The following TNS3 variants were observed in gnomAD, a reference collection of about 807,000 sequenced individuals.
TNS3 encodes the protein tensin-3.
In TNS3, 45 loss-of-function variants were observed where a neutral mutation model predicts 140.9. The observed-to-expected ratio is 0.32, with a 90% CI of 0.25 to 0.41. The LOEUF (loss-of-function observed/expected upper bound fraction) is 0.41. Among genes scored for constraint, TNS3 ranks in the 10% least tolerant of loss-of-function variants. The probability of loss-of-function intolerance (pLI) is 1.00; values close to 1 mark genes in which losing one functional copy is unlikely to be tolerated. For synonymous variants in TNS3, 815 were observed against 788.4 expected (o/e 1.03, Z -0.56); for missense variants, 1,716 against 1,906.7 (o/e 0.90, Z 1.86).
chr7:47,380,997 G>A (rs907751506), intron 16 of TNS3, among the ~76,000 whole-genome samples: 6 of 152,112 alleles, frequency 3.9e-5, no homozygotes, highest in South Asian at 2.1e-4. Context: ...CTTTGATTCC[G>A]CCAAAAAGGC....
intron 4 of TNS3, among the ~76,000 whole-genome samples, chr7:47,449,778 G>A (rs1297244344): frequency 2.0e-5 from 3 of 152,112 alleles, no homozygotes; most frequent in African/African-American, 2.4e-5. Context: ...GCTAATTTTT[G>A]TATTTTTAGT....
intron 16 of TNS3, among the ~76,000 whole-genome samples, chr7:47,387,524 T>TA (rs1792145820): frequency 6.6e-6 from 1 of 152,250 alleles, no homozygotes; most frequent in African/African-American, 2.4e-5. Context: ...CACCTCCATG[T>TA]AAGGGTCCCT....
At chr7:47,291,098 G>A (rs1479161147) in intron 27 of TNS3, among the ~76,000 whole-genome samples, 2 of 152,266 alleles carry the variant, frequency 1.3e-5, no homozygotes, top group South Asian at 2.1e-4. Flanking sequence ...GAACTGTATG[G>A]TTTCAACTAT....
intron 1 of TNS3, chr7:47,579,926 CT>C: frequency 2.7e-6 from 2 of 746,996 alleles, no homozygotes; most frequent in Non-Finnish European, 3.3e-6. Flanking sequence ...TTGACACCCC[CT>C]CTCCTGCCCT....
At chr7:47,352,227 C>T (rs1251139890) in intron 17 of TNS3, among the ~76,000 whole-genome samples, 10 of 152,170 alleles carry the variant, frequency 6.6e-5, no homozygotes, top group African/African-American at 2.4e-4. Flanking sequence ...TTCTCATATA[C>T]TTACACTATA....
chr7:47,387,243 G>T (rs1193189074), intron 16 of TNS3, among the ~76,000 whole-genome samples: 1 of 152,190 alleles, frequency 6.6e-6, no homozygotes, highest in Non-Finnish European at 1.5e-5. Flanking sequence ...AAAGATCAAG[G>T]TGGGGCTGGG....
At chr7:47,561,147 C>A (rs1800312347) in intron 1 of TNS3, among the ~76,000 whole-genome samples, 1 of 152,180 alleles carries the variant, frequency 6.6e-6, no homozygotes, top group Non-Finnish European at 1.5e-5. Context: ...CTCTGTAGTC[C>A]CACACACCTA....
intron 17 of TNS3, among the ~76,000 whole-genome samples, chr7:47,358,154 T>G (rs899600885): frequency 3.3e-5 from 5 of 152,174 alleles, no homozygotes; most frequent in Non-Finnish European, 7.3e-5. Context: ...ATCTTTTTTT[T>G]TTTGACGGAG....
chr7:47,506,861 C>G (rs1004674434), intron 3 of TNS3, 46 bp downstream of exon 3: 22 of 1,273,924 alleles, frequency 1.7e-5, no homozygotes, highest in Non-Finnish European at 2.0e-5. Context: ...CAATGAAGGC[C>G]AAGTCAGCTA....
chr7:47,290,049 T>G (rs1442055510), intron 27 of TNS3, among the ~76,000 whole-genome samples: 1 of 152,062 alleles, frequency 6.6e-6, no homozygotes, highest in African/African-American at 2.4e-5. Flanking sequence ...AACAAATAGG[T>G]CAATTAAAGA....
intron 20 of TNS3, among the ~76,000 whole-genome samples, chr7:47,329,571 C>T (rs558429352): frequency 1.3e-5 from 2 of 152,326 alleles, no homozygotes; most frequent in East Asian, 3.9e-4. Context: ...CTGGGACCTT[C>T]CTCCCAAAGG....
chr7:47,367,857 A>C (rs1790798439), intron 17 of TNS3, among the ~76,000 whole-genome samples: 1 of 152,216 alleles, frequency 6.6e-6, no homozygotes, highest in African/African-American at 2.4e-5. Flanking sequence ...AGAACATTTT[A>C]TACCACGACT....
chr7:47,280,569 C>G (rs910342775), intron 28 of TNS3, among the ~76,000 whole-genome samples: 1 of 152,190 alleles, frequency 6.6e-6, no homozygotes, highest in Non-Finnish European at 1.5e-5. Context: ...TAGACGGAAG[C>G]ACCACACAGG....
At chr7:47,556,775 G>T (rs1389796851) in intron 1 of TNS3, among the ~76,000 whole-genome samples, 1 of 152,190 alleles carries the variant, frequency 6.6e-6, no homozygotes, top group African/African-American at 2.4e-5. Context: ...GACGCTGCCC[G>T]CTCTCACTGG....
Position 47,277,837 on chromosome 7 carries a change from C to T in TNS3, c.*239G>A. On this transcript the variant is annotated 3_prime_UTR_variant, in exon 31 of 31. Transcript: ENST00000311160. ...GGTGGGGTGCACCCATGCCCAGCTT[C>T]TTCTACCCAAAAAGCATGTGGCTAC... The T allele has an allele frequency of 1.7e-6, 1 of 600,136 alleles. No homozygotes were observed. 37.2% of individuals were successfully genotyped at this position (600,136 alleles called of 1,614,324 possible).
rs200166865 is a variant in TNS3, at chr7:47,447,078, ATGAGGTCAC to A, written c.-75-5032_-75-5024del. On this transcript the variant is annotated intron_variant, in intron 4 of 30. Coordinates refer to ENST00000311160, the MANE Select transcript of TNS3 (RefSeq NM_022748.12). Reference sequence around the variant, plus strand: ...TGGCCCCATGGGCTCAATGAGGTCAATGAGGTCACTAAACTCCCTTTCTCTTCCGGTAAA... The same window carrying A: ...TGGCCCCATGGGCTCAATGAGGTCAATAAACTCCCTTTCTCTTCCGGTAAA... Among the ~76,000 whole-genome samples the A allele has an allele frequency of 5.3e-4, 44 of 83,118 alleles. No homozygotes were observed. The East Asian group carries it at 0.014, about 27-fold the overall frequency. The allele number at this position is 83,118 out of a possible 152,430, so 54.5% of individuals were successfully genotyped here.
intron 8 of TNS3, among the ~76,000 whole-genome samples, chr7:47,431,619 ATGT>A (rs1431881679): frequency 3.9e-5 from 6 of 152,180 alleles, no homozygotes; most frequent in Admixed American, 6.5e-5. Flanking sequence ...ACAAAACCTA[ATGT>A]TGTACCTGAA....
chr7:47,340,115 A>ATATATATATATATATT (rs1554297219), intron 20 of TNS3, among the ~76,000 whole-genome samples: 2 of 28,576 alleles, frequency 7.0e-5, no homozygotes, highest in African/African-American at 1.1e-4. Context: ...ATATATATAT[A>ATATATATATATATATT]TTTTTTTTTT....
intron 4 of TNS3, among the ~76,000 whole-genome samples, chr7:47,477,272 G>A (rs1436717694): frequency 3.9e-5 from 6 of 152,092 alleles, no homozygotes; most frequent in Non-Finnish European, 5.9e-5. Flanking sequence ...TGACAGACCC[G>A]GCAGCTCACC....
Sources: allele counts gnomAD v4.1 joint callset (sites outside exome capture counted in the v4.1 genomes callset), GRCh38; gene constraint gnomAD v4.1.1; transcripts MANE v1.5; gene names NCBI Gene and HGNC (gene_info 2026-07-23, HGNC 2026-07-21).